The following MSH4 variants were observed in gnomAD, a reference collection of about 807,000 sequenced individuals.
MSH4 encodes mutS protein homolog 4.
A neutral mutation model predicts 113.7 loss-of-function variants in MSH4; 106 were observed. The observed-to-expected ratio is 0.93, with a 90% CI of 0.80 to 1.10. MSH4 has a LOEUF of 1.10. Ranked by LOEUF, MSH4 falls within the 50% of genes least tolerant of loss-of-function variation. The pLI, the probability that MSH4 is intolerant of heterozygous loss-of-function variation, is 0.00. For missense variants in MSH4, 1,061 were observed against 1,093.7 expected (o/e 0.97, Z 0.42); for synonymous variants, 368 against 380.2 (o/e 0.97, Z 0.37).
chr1:75,828,676 C>A (rs567643911), intron 7 of MSH4, among the ~76,000 whole-genome samples: 18 of 152,200 alleles, frequency 1.2e-4, no homozygotes, highest in African/African-American at 4.3e-4. Flanking sequence ...AGGAATGGGG[C>A]AAGGGTTCAA....
chr1:75,885,091 C>T (rs1331651703), intron 15 of MSH4, among the ~76,000 whole-genome samples: 1 of 119,896 alleles, frequency 8.3e-6, no homozygotes, highest in Non-Finnish European at 1.6e-5. Context: ...CAGGAGGCTT[C>T]TGTAATAATC....
intron 9 of MSH4, among the ~76,000 whole-genome samples, chr1:75,871,277 G>T (rs1306209271): frequency 6.6e-6 from 1 of 152,128 alleles, no homozygotes; most frequent in Non-Finnish European, 1.5e-5. Flanking sequence ...CCTCCATCTG[G>T]TCTCTCCCTG....
At chr1:75,883,544 G>T in intron 14 of MSH4, 77 bp from the exon 15 acceptor site, 2 of 1,133,058 alleles carry the variant, frequency 1.8e-6, no homozygotes, top group Non-Finnish European at 2.5e-6. Flanking sequence ...CTAAGATATA[G>T]ACAATACATA....
rs775624895 is a variant in MSH4 at position 75,878,241 on chromosome 1, A to G, written c.1463A>G (p.Tyr488Cys). 3.2e-5 allele frequency: 51 copies of G among 1,610,740 alleles called. 1 individual carries two copies. Among genetic ancestry groups the G allele is most frequent in the African/African-American group, 9.4e-5 (7 of 74,810 alleles). The change falls in exon 11 of 20, where the codon TAT (tyrosine) becomes TGT (cysteine). Residue 488 changes from tyrosine (Y) to cysteine (C), a missense_variant. By Grantham distance (194) the Tyr-to-Cys change is radical (BLOSUM62 -2). Coordinates refer to ENST00000263187, the MANE Select transcript of MSH4 (RefSeq NM_002440.4). ...CTAAACATGAGGACTCAGAAGTGCT[A>G]TGCAGTGAGGTCTAACATAAATGAA... ...GCLNMRTQKC[Y>C]AVRSNINEFL...
chr1:75,889,253 T>A lies in MSH4; in HGVS notation c.2110T>A (p.Ser704Thr), dbSNP rs569715889. ...TATCTTGACCTTATATTTTACAGGA[T>A]CATATGTTCCAGCAGAATATTCTTC... ...ALCQIMAQIG[S>T]YVPAEYSSFR... Residue 704 changes from serine to threonine, a missense_variant and splice_region_variant, in exon 16 of 20, where the codon TCA (serine) becomes ACA (threonine). By Grantham distance (58) the Ser-to-Thr change is moderately conservative. Transcript: ENST00000263187. The A allele has an allele frequency of 7.4e-7, 1 of 1,344,330 alleles. No individual in the cohort carries two copies. Among genetic ancestry groups the A allele is most frequent in the African/African-American group, 1.5e-5 (1 of 68,398 alleles). The allele number at this position is 1,344,330 out of a possible 1,614,324, so 83.3% of individuals were successfully genotyped here. A position where few individuals can be genotyped will look rare whatever the true frequency, so the allele number is the denominator to read the frequency against.
Position 75,897,886 on chromosome 1 carries a change from A to G in MSH4, c.2356-21A>G, listed in dbSNP as rs77537129. 2.1e-3 allele frequency: 2,887 copies of G among 1,388,884 alleles called. 48 individuals carry two copies. In the African/African-American group the frequency reaches 0.04, roughly 19 times the overall value. 86.0% of individuals were successfully genotyped at this position (1,388,884 alleles called of 1,614,324 possible). A position where few individuals can be genotyped will look rare whatever the true frequency, so the allele number is the denominator to read the frequency against. On this transcript the variant is annotated intron_variant, in intron 17 of 19. Transcript: ENST00000263187. ...GTTAATTTTTAAAGTACTAATATTC[A>G]TTGTCTGTTATATATTCCAGGCATT...
chr1:75,867,549 A>G lies in MSH4; in HGVS notation c.1266A>G (p.Ile422Met). 3.7e-6 allele frequency: 6 copies of G among 1,600,218 alleles called. No homozygotes were observed. The highest frequency in any genetic ancestry group is 2.2e-5 in the South Asian group (2 of 89,044). ...NAAESKITNL[I>M]YLKHTLELVD... ...CTGAATCAAAGATAACAAATTTAAT[A>G]TACTTAAAACATACCTTGGAACTTG... Residue 422 changes from isoleucine to methionine, a missense_variant, in exon 9 of 20, where the codon ATA (isoleucine) becomes ATG (methionine). Coordinates refer to ENST00000263187, the MANE Select transcript of MSH4 (RefSeq NM_002440.4).
At chr1:75,853,046 A>T (rs879676189) in intron 8 of MSH4, among the ~76,000 whole-genome samples, 16 of 147,932 alleles carry the variant, frequency 1.1e-4, no homozygotes, top group Non-Finnish European at 1.7e-4. Context: ...GAAATTAGTA[A>T]CTATTTTTCT....
chr1:75,846,884 C>G (rs1255069284), intron 7 of MSH4, among the ~76,000 whole-genome samples: 2 of 152,168 alleles, frequency 1.3e-5, no homozygotes, highest in East Asian at 3.9e-4. Context: ...CAACCCCAGT[C>G]TTGGTACCAA....
chr1:75,810,013 A>G (rs1232395112), intron 3 of MSH4, among the ~76,000 whole-genome samples: 1 of 152,170 alleles, frequency 6.6e-6, no homozygotes, highest in Non-Finnish European at 1.5e-5. Context: ...AATACTAAGT[A>G]TAAGAATTTA....
rs1252405433 is a variant in MSH4, at chr1:75,907,701, T to C, written c.2620-4995T>C. Among the ~76,000 whole-genome samples, 91 of 132,648 alleles carry C rather than the reference T, an allele frequency of 6.9e-4. 1 individual carries two copies. The highest frequency in any genetic ancestry group is 2.1e-3 in the African/African-American group (74 of 35,012). 87.0% of individuals were successfully genotyped at this position (132,648 alleles called of 152,430 possible). On this transcript the variant is annotated intron_variant, in intron 19 of 19. Transcript: ENST00000263187. Reference sequence around the variant, plus strand: ...CTCTCTCTCTATACATATATATATATATATATATATATATATATGTATAAA... The same window carrying C: ...CTCTCTCTCTATACATATATATATACATATATATATATATATATGTATAAA...
chr1:75,885,027 A>ATGTGTGTGTGTG (rs1204389052), intron 15 of MSH4, among the ~76,000 whole-genome samples: 1 of 121,304 alleles, frequency 8.2e-6, no homozygotes, highest in African/African-American at 3.5e-5. Context: ...GTATATATAT[A>ATGTGTGTGTGTG]TATGTGTGTG....
chr1:75,829,179 G>A (rs1425356496), intron 7 of MSH4, among the ~76,000 whole-genome samples: 4 of 152,140 alleles, frequency 2.6e-5, no homozygotes, highest in South Asian at 2.1e-4. Flanking sequence ...ATGGAGCCTC[G>A]CTCACTGCTA....
chr1:75,854,007 G>GTATATATATATATATATATATATATA (rs150197709), intron 8 of MSH4, among the ~76,000 whole-genome samples: 30 of 50,402 alleles, frequency 6.0e-4, no homozygotes, highest in African/African-American at 1.2e-3. Flanking sequence ...GCATAAGTGT[G>GTATATATATATATATATATATATATA]TGTGTGTATA....
At chr1:75,890,572 C>T in intron 16 of MSH4, 124 bp from the exon 17 acceptor site, 1 of 504,244 alleles carries the variant, frequency 2.0e-6, no homozygotes, top group Non-Finnish European at 3.4e-6. Context: ...TTCTGCTCAG[C>T]AGGATGTCTC....
At chr1:75,896,346 AACACACACACACACACACACACACACAC>A (rs4035039) in intron 17 of MSH4, among the ~76,000 whole-genome samples, 1 of 137,176 alleles carries the variant, frequency 7.3e-6, no homozygotes, top group Admixed American at 7.4e-5. Context: ...ACACACATAC[AACACACACACACACACACACACACACAC>A]ACACACACAC....
intron 17 of MSH4, among the ~76,000 whole-genome samples, chr1:75,893,499 G>A (rs1396473841): frequency 6.6e-6 from 1 of 152,154 alleles, no homozygotes; most frequent in Non-Finnish European, 1.5e-5. Flanking sequence ...AGTTGTCTTT[G>A]CCAGTAGAAG....
intron 7 of MSH4, among the ~76,000 whole-genome samples, chr1:75,839,972 C>T (rs1650916969): frequency 6.9e-6 from 1 of 145,202 alleles, no homozygotes; most frequent in East Asian, 2.1e-4. Context: ...CAATGAGATA[C>T]CATCTCACAC....
At chr1:75,814,991 C>T in intron 4 of MSH4, 30 bp from the exon 5 acceptor site, 1 of 1,409,042 alleles carries the variant, frequency 7.1e-7, no homozygotes, top group Non-Finnish European at 1.0e-6. Flanking sequence ...GCACTTCAAA[C>T]TTTATTTTGA....
Sources: gnomAD v4.1 joint callset for allele counts (sites outside exome capture counted in the v4.1 genomes callset) on GRCh38, gnomAD v4.1.1 for gene constraint, MANE v1.5 for transcripts, NCBI Gene and HGNC (gene_info 2026-07-23, HGNC 2026-07-21) for gene names.